The following NBEA variants were observed in gnomAD, a reference collection of about 807,000 sequenced individuals.
NBEA encodes the protein neurobeachin, also known as lysosomal-trafficking regulator 2.
Under a neutral mutation model 343.4 loss-of-function variants are expected in NBEA, and 44 were observed. The ratio of observed to expected loss-of-function variants is 0.13; its 90% CI spans 0.10 to 0.16. The LOEUF is 0.16. NBEA is among the 10% of genes least tolerant of loss of function. NBEA has a pLI of 1.00. For missense variants in NBEA, 2,555 were observed against 3,631.3 expected, an observed-to-expected ratio of 0.70 and a Z score of 7.62; for synonymous variants, 1,175 against 1,238.7, an observed-to-expected ratio of 0.95 and a Z score of 1.08.
intron 31 of NBEA, among the ~76,000 whole-genome samples, chr13:35,206,649 T>G (rs560634827): frequency 6.6e-6 from 1 of 152,110 alleles, no homozygotes; most frequent in Non-Finnish European, 1.5e-5. Context: ...ATATTTCACT[T>G]TAGACAGTGG....
At chr13:35,348,900 C>T (rs2040026186) in intron 36 of NBEA, among the ~76,000 whole-genome samples, 1 of 151,976 alleles carries the variant, frequency 6.6e-6, no homozygotes, top group African/African-American at 2.4e-5. Context: ...ACAAGACACA[C>T]TATTTAACAG....
chr13:35,315,094 A>G (rs187225248), intron 36 of NBEA, among the ~76,000 whole-genome samples: 2 of 152,306 alleles, frequency 1.3e-5, no homozygotes, highest in East Asian at 1.9e-4. Context: ...CAACTTTTTC[A>G]TATGGCTTAA....
chr13:35,664,947 AGT>A, intron 55 of NBEA, 136 bp from the exon 56 acceptor site: 1 of 627,538 alleles, frequency 1.6e-6, no homozygotes, highest in East Asian at 2.8e-5. Context: ...AGAGAGGTTA[AGT>A]AACTGGCTCA....
chr13:35,113,461 GT>G (rs1470805424), intron 13 of NBEA, among the ~76,000 whole-genome samples: 2 of 152,038 alleles, frequency 1.3e-5, no homozygotes, highest in African/African-American at 2.4e-5. Context: ...TCACCTACTT[GT>G]TTTAGTTTGT....
In NBEA at chr13:35,583,962, A is replaced by G. The variant is rs749682248; in HGVS notation, c.7100A>G (p.Asp2367Gly). The G allele has an allele frequency of 1.4e-5, 23 of 1,613,440 alleles. No homozygotes were observed. Among genetic ancestry groups the G allele is most frequent in the Non-Finnish European group, 1.9e-5 (23 of 1,179,580 alleles). ...GCAGAGCGTTATGAGACATGGGAAG[A>G]TGATCAAAGCCCACCCTACCATTAT... ...FYAERYETWE[D>G]DQSPPYHYNT... Residue 2367 changes from aspartate to glycine, a missense_variant, in exon 46 of 59, where the codon GAT becomes GGT. Transcript: ENST00000379939.
At chr13:35,338,209 T>G (rs2039378607) in intron 36 of NBEA, among the ~76,000 whole-genome samples, 1 of 151,196 alleles carries the variant, frequency 6.6e-6, no homozygotes, top group Non-Finnish European at 1.5e-5. Context: ...TTGAAAAAAC[T>G]TTAGCTAGAA....
chr13:35,663,035 A>G (rs2085177169), intron 55 of NBEA, among the ~76,000 whole-genome samples: 1 of 152,212 alleles, frequency 6.6e-6, no homozygotes, highest in South Asian at 2.1e-4. Context: ...GGGATATGTT[A>G]TACAAGGATA....
chr13:35,200,345 A>G (rs1566448175), intron 31 of NBEA, among the ~76,000 whole-genome samples: 1 of 151,156 alleles, frequency 6.6e-6, no homozygotes, highest in African/African-American at 2.4e-5. Context: ...TTAATCTTAT[A>G]TATCTGCATG....
intron 38 of NBEA, among the ~76,000 whole-genome samples, chr13:35,365,480 T>G (rs564605377): frequency 6.6e-6 from 1 of 151,792 alleles, no homozygotes; most frequent in Non-Finnish European, 1.5e-5. Context: ...AGTCTATAAC[T>G]TAGCTGCTTA....
At position 35,230,052 on chromosome 13, in the gene NBEA, A is replaced by T. The variant is rs537592317; in HGVS notation, c.5649-2440A>T. Among the ~76,000 whole-genome samples the T allele has an allele frequency of 2.6e-5, 4 of 152,262 alleles. No individual in the cohort carries two copies. In the East Asian group the frequency reaches 5.8e-4, roughly 22 times the overall value. ...CTTTGCCCCCTATTAGAAAATTAAAATTCTCATTGCAGGATGATACGTAAG... is the reference window on the plus strand; with the variant it reads ...CTTTGCCCCCTATTAGAAAATTAAATTTCTCATTGCAGGATGATACGTAAG... On this transcript the variant is annotated intron_variant, in intron 33 of 58. Coordinates refer to ENST00000379939, the MANE Select transcript of NBEA (RefSeq NM_001385012.1).
chr13:35,210,088 G>A (rs181641350), intron 32 of NBEA, among the ~76,000 whole-genome samples: 1 of 152,116 alleles, frequency 6.6e-6, no homozygotes, highest in Admixed American at 6.5e-5. Flanking sequence ...CCTTATTCTT[G>A]TTAGGAGTTA....
chr13:35,620,898 C>T (rs1161385310), intron 48 of NBEA, among the ~76,000 whole-genome samples: 2 of 152,056 alleles, frequency 1.3e-5, no homozygotes, highest in Non-Finnish European at 1.5e-5. Flanking sequence ...GATGAGCATG[C>T]GGAGTAGTGA....
At chr13:35,173,254 T>C (rs1593605465) in intron 26 of NBEA, among the ~76,000 whole-genome samples, 1 of 152,094 alleles carries the variant, frequency 6.6e-6, no homozygotes, top group African/African-American at 2.4e-5. Flanking sequence ...TATATGGGTA[T>C]TTTGTTTTAT....
intron 34 of NBEA, among the ~76,000 whole-genome samples, chr13:35,284,301 T>C (rs527477018): frequency 6.6e-6 from 1 of 152,310 alleles, no homozygotes; most frequent in African/African-American, 2.4e-5. Context: ...AACTCAGTTT[T>C]TAGTGAACTA....
chr13:35,030,531 G>A (rs2062172317), intron 1 of NBEA, among the ~76,000 whole-genome samples: 1 of 151,576 alleles, frequency 6.6e-6, no homozygotes, highest in East Asian at 1.9e-4. Flanking sequence ...TTCTTTCTAT[G>A]AGGATAATGA....
At chr13:35,250,629 T>G (rs1475813481) in intron 34 of NBEA, among the ~76,000 whole-genome samples, 1 of 152,186 alleles carries the variant, frequency 6.6e-6, no homozygotes, top group Non-Finnish European at 1.5e-5. Context: ...AATTTGTAAA[T>G]GTACATTGAC....
chr13:35,459,893 C>A (rs575234493), intron 40 of NBEA, among the ~76,000 whole-genome samples: 1 of 152,248 alleles, frequency 6.6e-6, no homozygotes, highest in South Asian at 2.1e-4. Context: ...TTTGTTGTAA[C>A]TGTTGACTGG....
At chr13:35,140,443 C>CCTT (rs1566351472) in intron 17 of NBEA, among the ~76,000 whole-genome samples, 1 of 152,090 alleles carries the variant, frequency 6.6e-6, no homozygotes, top group Non-Finnish European at 1.5e-5. Context: ...TTTTCTTGGG[C>CCTT]GAGGCTTGAG....
chr13:35,164,479 A>G lies in NBEA; in HGVS notation c.4203A>G (p.Leu1401=), dbSNP rs780927960. The change falls in exon 24 of 59, where the codon TTA becomes TTG. Residue 1401 remains leucine (L), a synonymous_variant. Coordinates refer to ENST00000379939, the MANE Select transcript of NBEA (RefSeq NM_001385012.1). ...DNIIIACGGI[L]PLLSAATSPT... ...TCATCATTGCTTGTGGAGGAATTTTACCTTTGCTCTCTGCTGCTACATCAC... is the reference window on the plus strand; with the variant it reads ...TCATCATTGCTTGTGGAGGAATTTTGCCTTTGCTCTCTGCTGCTACATCAC... The G allele has an allele frequency of 3.1e-6, 5 of 1,610,988 alleles. No homozygotes were observed. Among genetic ancestry groups the G allele is most frequent in the South Asian group, 1.1e-5 (1 of 90,570 alleles).
Sources: allele counts gnomAD v4.1 joint callset (sites outside exome capture counted in the v4.1 genomes callset), GRCh38; gene constraint gnomAD v4.1.1; transcripts MANE v1.5; gene names NCBI Gene and HGNC (gene_info 2026-07-23, HGNC 2026-07-21).